Variants in GLCE observed in about 807,000 individuals in gnomAD.
GLCE encodes the protein glucuronic acid epimerase, also known as D-glucuronyl C5-epimerase.
Under a neutral mutation model 47.9 loss-of-function variants are expected in GLCE, and 19 were observed. The ratio of observed to expected loss-of-function variants is 0.40; its 90% CI spans 0.28 to 0.58. The LOEUF is 0.58. Ranked by LOEUF, GLCE falls within the 20% of genes least tolerant of loss-of-function variation. The pLI is 0.48. For synonymous variants in GLCE, 245 were observed against 263.4 expected, an observed-to-expected ratio of 0.93 and a Z score of 0.68; for missense variants, 556 against 743.3, an observed-to-expected ratio of 0.75 and a Z score of 2.93.
At chr15:69,186,899 T>C (rs1346778927) in intron 1 of GLCE, among the ~76,000 whole-genome samples, 1 of 152,230 alleles carries the variant, frequency 6.6e-6, no homozygotes, top group Non-Finnish European at 1.5e-5. Context: ...GGAATATCAT[T>C]CTTTTGAAGA....
intron 2 of GLCE, among the ~76,000 whole-genome samples, chr15:69,222,739 A>T (rs1011763409): frequency 6.6e-6 from 1 of 152,320 alleles, no homozygotes; most frequent in Admixed American, 6.5e-5. Context: ...GGCTATGACT[A>T]GTCAGCCATC....
intron 1 of GLCE, among the ~76,000 whole-genome samples, chr15:69,209,599 A>G (rs910651884): frequency 6.6e-6 from 1 of 152,090 alleles, no homozygotes; most frequent in African/African-American, 2.4e-5. Flanking sequence ...TGTTTGGGTC[A>G]GATGTATGCA....
At chr15:69,213,084 A>G (rs2052255389) in intron 2 of GLCE, among the ~76,000 whole-genome samples, 1 of 152,076 alleles carries the variant, frequency 6.6e-6, no homozygotes, top group Admixed American at 6.6e-5. Context: ...TCTTGAAAAA[A>G]ATTTTATTTT....
intron 1 of GLCE, among the ~76,000 whole-genome samples, chr15:69,168,145 T>C (rs2051532972): frequency 6.6e-6 from 1 of 152,034 alleles, no homozygotes; most frequent in African/African-American, 2.4e-5. Context: ...TAAAAAAAAG[T>C]GTAAGAGCCG....
intron 2 of GLCE, among the ~76,000 whole-genome samples, chr15:69,238,773 C>T (rs750087120): frequency 1.2e-4 from 18 of 152,098 alleles, no homozygotes; most frequent in South Asian, 8.3e-4. Context: ...ATAAACATGG[C>T]GACAAAATAC....
rs138828347 is a variant in GLCE, at chr15:69,190,024, G to A, written c.-104-20292G>A. Among the ~76,000 whole-genome samples the A allele has an allele frequency of 5.0e-3, 759 of 152,086 alleles. 8 individuals carry two copies. Among genetic ancestry groups the A allele is most frequent in the African/African-American group, 0.018 (729 of 41,496 alleles). ...ACTAATTTCCTAAAGTGAAAGCCTA[G>A]GTCACTGATTTGAGACCTTCTTTTC... On this transcript the variant is annotated intron_variant, in intron 1 of 4. Transcript: ENST00000261858.
chr15:69,171,364 G>A (rs1299903374), intron 1 of GLCE, among the ~76,000 whole-genome samples: 1 of 150,840 alleles, frequency 6.6e-6, no homozygotes, highest in African/African-American at 2.4e-5. Flanking sequence ...GATTTTAATG[G>A]TTTAGGGAAA....
rs2052874914 is a variant in GLCE at position 69,253,298 on chromosome 15, A to T, written c.-13-2496A>T. On this transcript the variant is annotated intron_variant, in intron 2 of 4. Coordinates refer to ENST00000261858, the MANE Select transcript of GLCE (RefSeq NM_015554.3). ...GAGAAAACACCATCTTCTTTCTGGC[A>T]TTTGAAAGGTCTGCTGGCTCCCCAC... Among the ~76,000 whole-genome samples, 3 of 152,248 alleles carry T rather than the reference A, an allele frequency of 2.0e-5. No individual in the cohort carries two copies. The South Asian group carries it at 6.2e-4, about 31-fold the overall frequency.
At chr15:69,193,733 G>A (rs2051947320) in intron 1 of GLCE, among the ~76,000 whole-genome samples, 2 of 151,974 alleles carry the variant, frequency 1.3e-5, no homozygotes, top group South Asian at 4.1e-4. Context: ...ACTACCTGGA[G>A]AGTAAGTGTC....
At chr15:69,167,274 A>C (rs2051518356) in intron 1 of GLCE, among the ~76,000 whole-genome samples, 1 of 152,220 alleles carries the variant, frequency 6.6e-6, no homozygotes. Context: ...GGGATACCAG[A>C]TGCTTGATTT....
chr15:69,209,140 A>T (rs760497982), intron 1 of GLCE, among the ~76,000 whole-genome samples: 39 of 146,620 alleles, frequency 2.7e-4, no homozygotes, highest in Non-Finnish European at 5.2e-4. Flanking sequence ...TTTATCTTCT[A>T]TTTTTTTTTC....
intron 2 of GLCE, among the ~76,000 whole-genome samples, chr15:69,248,640 G>GC (rs2052789976): frequency 6.6e-6 from 1 of 151,198 alleles, no homozygotes; most frequent in African/African-American, 2.4e-5. Flanking sequence ...GCTAGGCACA[G>GC]TTTTTTTTTG....
At chr15:69,217,695 T>A (rs751122050) in intron 2 of GLCE, among the ~76,000 whole-genome samples, 2 of 152,198 alleles carry the variant, frequency 1.3e-5, no homozygotes, top group Non-Finnish European at 2.9e-5. Flanking sequence ...AGGATGGAAT[T>A]TAACTTCTTT....
At chr15:69,247,150 A>G (rs569059792) in intron 2 of GLCE, among the ~76,000 whole-genome samples, 1 of 152,332 alleles carries the variant, frequency 6.6e-6, no homozygotes, top group African/African-American at 2.4e-5. Flanking sequence ...CTAGCTATGA[A>G]AGTCCTAGAT....
intron 2 of GLCE, among the ~76,000 whole-genome samples, chr15:69,228,432 A>C (rs955578930): frequency 1.3e-5 from 2 of 152,218 alleles, no homozygotes; most frequent in Non-Finnish European, 2.9e-5. Context: ...GTAATTAGCA[A>C]GGATGGTTTT....
At chr15:69,216,660 T>C (rs1216095244) in intron 2 of GLCE, among the ~76,000 whole-genome samples, 1 of 152,098 alleles carries the variant, frequency 6.6e-6, no homozygotes, top group Non-Finnish European at 1.5e-5. Context: ...AAATAGAAAG[T>C]TATACAGCAA....
At position 69,247,047 on chromosome 15, in the gene GLCE, A is replaced by G. The variant is rs115673339; in HGVS notation, c.-13-8747A>G. 1.0e-2 allele frequency among the ~76,000 whole-genome samples: 1,521 copies of G among 152,334 alleles called. 22 individuals carry two copies. The highest frequency in any genetic ancestry group is 0.032 in the African/African-American group (1,344 of 41,578). ...TAAGGGCTCTAGTATTTTCAGAATTATAAAGGAGCATTGGCCTCAACTTAA... is the reference window on the plus strand; with the variant it reads ...TAAGGGCTCTAGTATTTTCAGAATTGTAAAGGAGCATTGGCCTCAACTTAA... On this transcript the variant is annotated intron_variant, in intron 2 of 4. Transcript: ENST00000261858.
At chr15:69,175,526 C>T (rs1418583314) in intron 1 of GLCE, among the ~76,000 whole-genome samples, 2 of 152,104 alleles carry the variant, frequency 1.3e-5, no homozygotes, top group Non-Finnish European at 2.9e-5. Context: ...TATATTTTAA[C>T]ATGTTTAAGA....
chr15:69,239,295 A>G (rs1385163773), intron 2 of GLCE, among the ~76,000 whole-genome samples: 1 of 152,200 alleles, frequency 6.6e-6, no homozygotes, highest in Non-Finnish European at 1.5e-5. Context: ...CTGGGATACA[A>G]CACAGACATG....
Sources: allele counts gnomAD v4.1 joint callset (sites outside exome capture counted in the v4.1 genomes callset), GRCh38; gene constraint gnomAD v4.1.1; transcripts MANE v1.5; gene names NCBI Gene and HGNC (gene_info 2026-07-23, HGNC 2026-07-21).